Variants in WWC1 observed in about 807,000 individuals in gnomAD.
WWC1 encodes the protein protein KIBRA.
Under a neutral mutation model 138.4 loss-of-function variants are expected in WWC1, and 55 were observed. The observed-to-expected ratio is 0.40, with a 90% CI of 0.32 to 0.50. The LOEUF is 0.50. Ranked by LOEUF, WWC1 falls within the 20% of genes least tolerant of loss-of-function variation. WWC1 has a pLI of 0.72. For missense variants in WWC1, 1,226 were observed against 1,420.4 expected (o/e 0.86, Z 2.20); for synonymous variants, 524 against 564.9 (o/e 0.93, Z 1.03).
chr5:168,414,201 A>G, intron 8 of WWC1, 147 bp from the exon 9 acceptor site: 1 of 1,269,638 alleles, frequency 7.9e-7, no homozygotes, highest in Non-Finnish European at 1.1e-6. Flanking sequence ...TTGTTTAGAA[A>G]AAAAATAGGT....
chr5:168,301,488 A>G (rs1770069635), intron 1 of WWC1, among the ~76,000 whole-genome samples: 1 of 152,164 alleles, frequency 6.6e-6, no homozygotes, highest in South Asian at 2.1e-4. Flanking sequence ...ATACAAAAAA[A>G]TTAGCCAGGC....
chr5:168,365,654 C>CA (rs1246906634), intron 1 of WWC1, among the ~76,000 whole-genome samples: 5 of 152,194 alleles, frequency 3.3e-5, no homozygotes, highest in Non-Finnish European at 7.3e-5. Context: ...GGGAGGCTTC[C>CA]AGCCCCCGGG....
At chr5:168,367,972 C>G (rs1776445662) in intron 1 of WWC1, among the ~76,000 whole-genome samples, 1 of 152,170 alleles carries the variant, frequency 6.6e-6, no homozygotes, top group Non-Finnish European at 1.5e-5. Context: ...CACACACTCT[C>G]TTCAGGCAAA....
chr5:168,386,612 A>G (rs1778069907), intron 3 of WWC1, among the ~76,000 whole-genome samples: 1 of 150,800 alleles, frequency 6.6e-6, no homozygotes, highest in Non-Finnish European at 1.5e-5. Flanking sequence ...AGCCAGGATG[A>G]TCTCGATCTC....
intron 17 of WWC1, among the ~76,000 whole-genome samples, chr5:168,450,422 C>T (rs1195593906): frequency 1.3e-5 from 2 of 152,086 alleles, no homozygotes; most frequent in Non-Finnish European, 2.9e-5. Flanking sequence ...AATTTCAGCA[C>T]TTTGGGAGGC....
chr5:168,462,125 C>T (rs1425562913), intron 20 of WWC1, among the ~76,000 whole-genome samples: 1 of 152,052 alleles, frequency 6.6e-6, no homozygotes, highest in Non-Finnish European at 1.5e-5. Context: ...AAAGATAGTG[C>T]CAATAGCCCC....
chr5:168,363,439 A>C (rs978981531), intron 1 of WWC1, among the ~76,000 whole-genome samples: 1 of 139,870 alleles, frequency 7.1e-6, no homozygotes, highest in African/African-American at 2.7e-5. Flanking sequence ...CAGGAAAATC[A>C]CTTGAACCCT....
intron 1 of WWC1, among the ~76,000 whole-genome samples, chr5:168,352,556 T>C (rs1283627684): frequency 6.6e-6 from 1 of 151,924 alleles, no homozygotes; most frequent in Non-Finnish European, 1.5e-5. Context: ...TGCCTTAGTT[T>C]TCATCTGAAA....
rs370936678 is a variant in WWC1, at chr5:168,324,333, C to T, written c.119+32062C>T. ...CTGCAGTCCCACCTACTCAGGAGGC[C>T]GAGGCAGGAGAATCGCTTGAACCTA... On this transcript the variant is annotated intron_variant, in intron 1 of 22. Transcript: ENST00000265293. Among the ~76,000 whole-genome samples the T allele has an allele frequency of 8.4e-3, 1,275 of 151,900 alleles. 18 individuals are homozygous for T. The highest frequency in any genetic ancestry group is 0.032 in the South Asian group (152 of 4,812).
chr5:168,365,946 A>T lies in WWC1; in HGVS notation c.120-5478A>T, dbSNP rs543411812. Among the ~76,000 whole-genome samples, 4 of 152,322 alleles carry T rather than the reference A, an allele frequency of 2.6e-5. No homozygotes were observed. In the East Asian group the frequency reaches 7.7e-4, roughly 29 times the overall value. On this transcript the variant is annotated intron_variant, in intron 1 of 22. Transcript: ENST00000265293. Reference sequence around the variant, plus strand: ...GGAGGCTGGAAGCAGGGACCGACTGAACCAGGCTGGATGGTGGTGAATTGC... The same window carrying T: ...GGAGGCTGGAAGCAGGGACCGACTGTACCAGGCTGGATGGTGGTGAATTGC...
intron 1 of WWC1, among the ~76,000 whole-genome samples, chr5:168,328,787 G>A (rs1462859833): frequency 6.6e-6 from 1 of 151,988 alleles, no homozygotes; most frequent in Non-Finnish European, 1.5e-5. Flanking sequence ...TGCCCGCCTC[G>A]GCCTCCCAAA....
At chr5:168,315,104 G>A (rs1049189216) in intron 1 of WWC1, among the ~76,000 whole-genome samples, 5 of 152,112 alleles carry the variant, frequency 3.3e-5, no homozygotes, top group Admixed American at 3.3e-4. Context: ...CGAGTCATTA[G>A]TGAGCTGTCC....
At chr5:168,357,578 A>G (rs1038350895) in intron 1 of WWC1, among the ~76,000 whole-genome samples, 1 of 151,886 alleles carries the variant, frequency 6.6e-6, no homozygotes, top group African/African-American at 2.4e-5. Context: ...ACAAGAGAAG[A>G]GCAAAGGCAA....
At chr5:168,451,689 C>T (rs59489570) in intron 17 of WWC1, among the ~76,000 whole-genome samples, 12,322 of 151,768 alleles carry the variant, frequency 0.081, 710 homozygotes, top group African/African-American at 0.16. Flanking sequence ...TTAGCCTTGG[C>T]GACAGAGCAA....
At chr5:168,357,324 ACACACACAC>A (rs1775507292) in intron 1 of WWC1, among the ~76,000 whole-genome samples, 2 of 149,694 alleles carry the variant, frequency 1.3e-5, no homozygotes, top group African/African-American at 5.0e-5. Context: ...ACACACACAC[ACACACACAC>A]TTTTTGGGCC....
At chr5:168,457,591 C>T (rs1756452533) in intron 19 of WWC1, among the ~76,000 whole-genome samples, 1 of 152,200 alleles carries the variant, frequency 6.6e-6, no homozygotes, top group African/African-American at 2.4e-5. Context: ...AAGTGAGGAG[C>T]TCACACACTC....
chr5:168,341,415 T>C (rs1458127253), intron 1 of WWC1, among the ~76,000 whole-genome samples: 1 of 152,114 alleles, frequency 6.6e-6, no homozygotes, highest in Non-Finnish European at 1.5e-5. Flanking sequence ...CAGCACCCCA[T>C]AGGCACAAGG....
chr5:168,301,612 T>G (rs1770083210), intron 1 of WWC1, among the ~76,000 whole-genome samples: 3 of 143,834 alleles, frequency 2.1e-5, no homozygotes, highest in African/African-American at 7.8e-5. Flanking sequence ...CACTCCAGCC[T>G]GGGCAACAAG....
At chr5:168,454,188 A>G (rs1756096852) in intron 18 of WWC1, 88 bp downstream of exon 18, 1 of 1,541,836 alleles carries the variant, frequency 6.5e-7, no homozygotes, top group Non-Finnish European at 8.7e-7. Context: ...ACTCAGAGCT[A>G]AGTCTTGGCT....
Sources: gnomAD v4.1 joint callset for allele counts (sites outside exome capture counted in the v4.1 genomes callset) on GRCh38, gnomAD v4.1.1 for gene constraint, MANE v1.5 for transcripts, NCBI Gene and HGNC (gene_info 2026-07-23, HGNC 2026-07-21) for gene names.